The following CCHCR1 variants were observed in gnomAD, a reference collection of about 807,000 sequenced individuals.
CCHCR1 encodes the protein HCR (a-helix coiled-coil rod homologue).
A neutral mutation model predicts 114.6 loss-of-function variants in CCHCR1; 91 were observed. The observed-to-expected ratio is 0.79, with a 90% CI of 0.67 to 0.94. The LOEUF is 0.94. CCHCR1 is among the 40% of genes least tolerant of loss of function. The pLI is 0.00. For missense variants in CCHCR1, 899 were observed against 1,079.9 expected (o/e 0.83, Z 2.35); for synonymous variants, 379 against 428.5 (o/e 0.88, Z 1.43).
chr6:31,149,787 G>A, intron 8 of CCHCR1: 3 of 401,754 alleles, frequency 7.5e-6, no homozygotes, highest in South Asian at 7.5e-5. Flanking sequence ...TGAATCACCT[G>A]AGGTCAGGAG....
In CCHCR1 at chr6:31,150,346, C is replaced by T. The variant is rs1775029903; in HGVS notation, c.1212+109G>A. The T allele has an allele frequency of 1.5e-6, 2 of 1,343,600 alleles. No homozygotes were observed. The highest frequency in any genetic ancestry group is 2.9e-5 in the African/African-American group (2 of 69,594). The allele number at this position is 1,343,600 out of a possible 1,614,324, so 83.2% of individuals were successfully genotyped here. On this transcript the variant is annotated intron_variant, in intron 7 of 17. Coordinates refer to ENST00000396268, the MANE Select transcript of CCHCR1 (RefSeq NM_001105564.2). The surrounding 1 kb of genome is among the most constrained non-coding windows in gnomAD (Gnocchi z 5.3). ...CAAGAGGAGTTCACAGGAAGGAGATCTAAGCAGGTTCTGGGGCACATTGAC... is the reference window on the plus strand; with the variant it reads ...CAAGAGGAGTTCACAGGAAGGAGATTTAAGCAGGTTCTGGGGCACATTGAC...
Position 31,154,152 on chromosome 6 carries a change from T to C in CCHCR1, c.801+344A>G, listed in dbSNP as rs187861811. ...ATAATCTCTCTCTCCCAGTCCACCA[T>C]AGCCCCCTTATACCCACCTTCCTCA... On this transcript the variant is annotated intron_variant, in intron 4 of 17. Coordinates refer to ENST00000396268, the MANE Select transcript of CCHCR1 (RefSeq NM_001105564.2). This position sits in a 1 kb window ranked among gnomAD's most constrained non-coding sequence, Gnocchi z 4.1. 1.0e-3 allele frequency among the ~76,000 whole-genome samples: 159 copies of C among 152,268 alleles called. 1 individual carries two copies. Among genetic ancestry groups the C allele is most frequent in the Admixed American group, 6.1e-3 (93 of 15,292 alleles).
chr6:31,145,007 T>C lies in CCHCR1; in HGVS notation c.1943A>G (p.Gln648Arg), dbSNP rs752582662. ...CAGCCCCAAGCTAGCCAGGGACTCC[T>C]GGGTCTGCTGCAGCTCCTGCTCCAG... is the stretch of plus-strand genomic sequence containing the variant. ...QQLEQELQQT[Q>R]ESLASLGLQL... The change falls in exon 14 of 18, where the codon CAG becomes CGG. Residue 648 changes from glutamine to arginine, a missense_variant. By Grantham distance (43) the Gln-to-Arg change is conservative (BLOSUM62 1). Coordinates refer to ENST00000396268, the MANE Select transcript of CCHCR1 (RefSeq NM_001105564.2). The C allele has an allele frequency of 1.2e-6, 2 of 1,606,480 alleles. No individual in the cohort carries two copies. The highest frequency in any genetic ancestry group is 8.5e-7 in the Non-Finnish European group (1 of 1,179,742).
intron 10 of CCHCR1, among the ~76,000 whole-genome samples, chr6:31,147,257 G>A (rs982477144): frequency 3.3e-5 from 5 of 152,056 alleles, no homozygotes; most frequent in Admixed American, 6.6e-5. Context: ...AAAAGTAGCC[G>A]GGTGTGGTGG....
At position 31,150,637 on chromosome 6, in the gene CCHCR1, G is replaced by A; in HGVS notation, c.1102-72C>T. Reference sequence around the variant, plus strand: ...TTAGGTACCACCTTCTCTCCCGGAGGCTGTGCTCTACACGCTCCTCCAAGG... The same window carrying A: ...TTAGGTACCACCTTCTCTCCCGGAGACTGTGCTCTACACGCTCCTCCAAGG... On this transcript the variant is annotated intron_variant, in intron 6 of 17. Transcript: ENST00000396268. The surrounding 1 kb of genome is among the most constrained non-coding windows in gnomAD (Gnocchi z 5.3). 6.3e-7 allele frequency: 1 copy of A among 1,588,800 alleles called. No individual in the cohort carries two copies. The highest frequency in any genetic ancestry group is 8.6e-7 in the Non-Finnish European group (1 of 1,163,382).
chr6:31,145,763 A>C lies in CCHCR1; in HGVS notation c.1626T>G (p.Ala542=). 6.2e-7 allele frequency: 1 copy of C among 1,613,092 alleles called. No individual in the cohort carries two copies. The highest frequency in any genetic ancestry group is 8.5e-7 in the Non-Finnish European group (1 of 1,179,932). Residue 542 remains alanine (A), a synonymous_variant, in exon 11 of 18, where the codon GCT becomes GCG. Coordinates refer to ENST00000396268, the MANE Select transcript of CCHCR1 (RefSeq NM_001105564.2). ...TGTTGAGGCTGGGAAGCTGGGCGGC[A>C]GCCCCTTCCACCTTAGCCATGGTGG... is the stretch of plus-strand genomic sequence containing the variant. ...LETTMAKVEG[A]AAQLPSLNNR...
At position 31,145,156 on chromosome 6, in the gene CCHCR1, C is replaced by A. The variant is rs1343579671; in HGVS notation, c.1876+10G>T. Reference sequence around the variant, plus strand: ...CCTCATCCTCTCCACCCCCTGGCAACCAGGTGTACCTTGCTCCCGAGCCCG... The same window carrying A: ...CCTCATCCTCTCCACCCCCTGGCAAACAGGTGTACCTTGCTCCCGAGCCCG... On this transcript the variant is annotated intron_variant, in intron 13 of 17. Transcript: ENST00000396268. 18 of 1,611,674 alleles carry A rather than the reference C, an allele frequency of 1.1e-5. No homozygotes were observed. In the East Asian group the frequency reaches 4.0e-4, roughly 36 times the overall value.
In CCHCR1 at chr6:31,150,743, C is replaced by G. The variant is rs957075550; in HGVS notation, c.1083G>C (p.Lys361Asn). 47 of 1,612,688 alleles carry G rather than the reference C, an allele frequency of 2.9e-5. No individual in the cohort carries two copies. The highest frequency in any genetic ancestry group is 3.9e-5 in the Non-Finnish European group (46 of 1,179,872). The change falls in exon 6 of 18, where the codon AAG becomes AAC. Residue 361 changes from lysine (K) to asparagine (N), a missense_variant. Lys to Asn is a moderately conservative substitution (Grantham distance 94, BLOSUM62 0). Coordinates refer to ENST00000396268, the MANE Select transcript of CCHCR1 (RefSeq NM_001105564.2). This position sits in a 1 kb window ranked among gnomAD's most constrained non-coding sequence, Gnocchi z 5.3. The stretch of plus-strand genomic sequence containing the variant: ...CCCTCACCTGCATGGTTTCCAGAAG[C>G]TTCTGTCGCTCCAGTTCCCATGTCT... Reference protein sequence around the residue: ...HSQTWELERQKLLETMQHLQE... With the variant: ...HSQTWELERQNLLETMQHLQE...
chr6:31,148,097 A>G (rs9263758), intron 10 of CCHCR1, among the ~76,000 whole-genome samples: 108,648 of 152,114 alleles, frequency 0.71, 38,750 homozygotes, highest in Middle Eastern at 0.78. Context: ...TACTGCAAGT[A>G]AAGATCCTCC....
In CCHCR1 at chr6:31,144,286, C is replaced by T. The variant is rs1176000532; in HGVS notation, c.2167+401G>A. Among the ~76,000 whole-genome samples the T allele has an allele frequency of 6.6e-6, 1 of 152,082 alleles. No homozygotes were observed. The highest frequency in any genetic ancestry group is 2.4e-5 in the African/African-American group (1 of 41,422). ...TTGGCTCACTGCAGCCTCGACCTCC[C>T]GGGTTCATGTAGTCTTCCCACATCA... On this transcript the variant is annotated intron_variant, in intron 15 of 17. Transcript: ENST00000396268. The surrounding 1 kb of genome is among the most constrained non-coding windows in gnomAD (Gnocchi z 4.6).
Position 31,150,316 on chromosome 6 carries a change from T to C in CCHCR1, c.1213-101A>G. The C allele has an allele frequency of 5.6e-6, 8 of 1,422,136 alleles. No homozygotes were observed. Among genetic ancestry groups the C allele is most frequent in the Non-Finnish European group, 7.8e-6 (8 of 1,022,660 alleles). 88.1% of individuals were successfully genotyped at this position (1,422,136 alleles called of 1,614,324 possible). ...TCTGTCCTGCCTGGGCAACATGAGC[T>C]ACAGCAAGAGGAGTTCACAGGAAGG... On this transcript the variant is annotated intron_variant, in intron 7 of 17. Transcript: ENST00000396268. The surrounding 1 kb of genome is among the most constrained non-coding windows in gnomAD (Gnocchi z 5.3).
In CCHCR1 at chr6:31,151,493, G is replaced by T. The variant is rs1004970560; in HGVS notation, c.802-371C>A. The stretch of plus-strand genomic sequence containing the variant: ...CTGCAGGCCAGGGGACCCGGCCTCT[G>T]CCTACCTCCTGAGCTCACCCTGGAG... On this transcript the variant is annotated intron_variant, in intron 4 of 17. Transcript: ENST00000396268. This position sits in a 1 kb window ranked among gnomAD's most constrained non-coding sequence, Gnocchi z 4.1. 2.6e-5 allele frequency among the ~76,000 whole-genome samples: 4 copies of T among 152,154 alleles called. No homozygotes were observed. The highest frequency in any genetic ancestry group is 9.7e-5 in the African/African-American group (4 of 41,438).
At position 31,154,398 on chromosome 6, in the gene CCHCR1, A is replaced by G; in HGVS notation, c.801+98T>C. The G allele has an allele frequency of 1.1e-6, 1 of 875,754 alleles. No homozygotes were observed. The highest frequency in any genetic ancestry group is 1.8e-6 in the Non-Finnish European group (1 of 542,182). The allele number at this position is 875,754 out of a possible 1,614,324, so 54.2% of individuals were successfully genotyped here. Reference sequence around the variant, plus strand: ...AGGTCTCATCACTCTACTACTCACTACTCATGGAGGGTCTTTTCTGCAATA... The same window carrying G: ...AGGTCTCATCACTCTACTACTCACTGCTCATGGAGGGTCTTTTCTGCAATA... On this transcript the variant is annotated intron_variant, in intron 4 of 17. Transcript: ENST00000396268. This position sits in a 1 kb window ranked among gnomAD's most constrained non-coding sequence, Gnocchi z 4.1.
Position 31,145,796 on chromosome 6 carries a change from C to G in CCHCR1, c.1593G>C (p.Trp531Cys), listed in dbSNP as rs2151004747. ...CCACCTTAGCCATGGTGGTCTCGAG[C>G]CAGATCTGAGAGCTGGAGAGGGCAC... ...VVNAVSSSQI[W>C]LETTMAKVEG... Residue 531 changes from tryptophan to cysteine, a missense_variant, in exon 11 of 18, where the codon TGG (tryptophan) becomes TGC (cysteine). Trp to Cys is a radical substitution (Grantham distance 215, BLOSUM62 -2). Coordinates refer to ENST00000396268, the MANE Select transcript of CCHCR1 (RefSeq NM_001105564.2). 2 of 1,611,704 alleles carry G rather than the reference C, an allele frequency of 1.2e-6. No homozygotes were observed. The highest frequency in any genetic ancestry group is 4.5e-5 in the East Asian group (2 of 44,872).
At position 31,144,555 on chromosome 6, in the gene CCHCR1, C is replaced by T; in HGVS notation, c.2167+132G>A. 1.5e-6 allele frequency: 1 copy of T among 664,062 alleles called. No individual in the cohort carries two copies. The highest frequency in any genetic ancestry group is 2.5e-5 in the East Asian group (1 of 39,522). The allele number at this position is 664,062 out of a possible 1,614,324, so 41.1% of individuals were successfully genotyped here. A position where few individuals can be genotyped will look rare whatever the true frequency, so the allele number is the denominator to read the frequency against. On this transcript the variant is annotated intron_variant, in intron 15 of 17. Coordinates refer to ENST00000396268, the MANE Select transcript of CCHCR1 (RefSeq NM_001105564.2). The surrounding 1 kb of genome is among the most constrained non-coding windows in gnomAD (Gnocchi z 4.6). ...GTGTGTTCACGATGTGATAATTCAT[C>T]TGTGCTACTCCTGGATACCTTCATT...
chr6:31,154,893 C>T lies in CCHCR1; in HGVS notation c.498-94G>A. ...TAGCCAGGAGAAGGAAAAGAGGACCCCTCTGCTTCCGTGTGGGGAGGTGAA... is the reference window on the plus strand; with the variant it reads ...TAGCCAGGAGAAGGAAAAGAGGACCTCTCTGCTTCCGTGTGGGGAGGTGAA... On this transcript the variant is annotated intron_variant, in intron 3 of 17. Transcript: ENST00000396268. The surrounding 1 kb of genome is among the most constrained non-coding windows in gnomAD (Gnocchi z 4.1). 2 of 1,213,068 alleles carry T rather than the reference C, an allele frequency of 1.6e-6. No individual in the cohort carries two copies. The highest frequency in any genetic ancestry group is 2.2e-6 in the Non-Finnish European group (2 of 890,308). The allele number at this position is 1,213,068 out of a possible 1,614,324, so 75.1% of individuals were successfully genotyped here.
In CCHCR1 at chr6:31,151,608, C is replaced by A. The variant is rs1359587097; in HGVS notation, c.802-486G>T. 6.6e-6 allele frequency among the ~76,000 whole-genome samples: 1 copy of A among 152,228 alleles called. No individual in the cohort carries two copies. Among genetic ancestry groups the A allele is most frequent in the African/African-American group, 2.4e-5 (1 of 41,450 alleles). On this transcript the variant is annotated intron_variant, in intron 4 of 17. Coordinates refer to ENST00000396268, the MANE Select transcript of CCHCR1 (RefSeq NM_001105564.2). The surrounding 1 kb of genome is among the most constrained non-coding windows in gnomAD (Gnocchi z 4.1). Reference sequence around the variant, plus strand: ...TTGCTCCACAGACCCCAGGCGATAGCCCCTCCTCAGGGTGGCTTCACTGGG... The same window carrying A: ...TTGCTCCACAGACCCCAGGCGATAGACCCTCCTCAGGGTGGCTTCACTGGG...
chr6:31,145,750 G>A lies in CCHCR1; in HGVS notation c.1639C>T (p.Pro547Ser), dbSNP rs753949213. Residue 547 changes from proline to serine, a missense_variant, in exon 11 of 18, where the codon CCC becomes TCC. Physicochemically the swap from Pro to Ser is moderately conservative, Grantham distance 74. Transcript: ENST00000396268. ...AKVEGAAAQL[P>S]SLNNRLSYAV... ...TAGCTGAGTCGGTTGTTGAGGCTGG[G>A]AAGCTGGGCGGCAGCCCCTTCCACC... is the stretch of plus-strand genomic sequence containing the variant. 1 of 1,613,370 alleles carries A rather than the reference G, an allele frequency of 6.2e-7. No homozygotes were observed. The highest frequency in any genetic ancestry group is 1.1e-5 in the South Asian group (1 of 91,082).
At position 31,154,361 on chromosome 6, in the gene CCHCR1, T is replaced by C; in HGVS notation, c.801+135A>G. 2 of 705,080 alleles carry C rather than the reference T, an allele frequency of 2.8e-6. No individual in the cohort carries two copies. Among genetic ancestry groups the C allele is most frequent in the South Asian group, 1.9e-5 (1 of 51,742 alleles). The allele number at this position is 705,080 out of a possible 1,614,324, so 43.7% of individuals were successfully genotyped here. A position where few individuals can be genotyped will look rare whatever the true frequency, so the allele number is the denominator to read the frequency against. On this transcript the variant is annotated intron_variant, in intron 4 of 17. Coordinates refer to ENST00000396268, the MANE Select transcript of CCHCR1 (RefSeq NM_001105564.2). This position sits in a 1 kb window ranked among gnomAD's most constrained non-coding sequence, Gnocchi z 4.1. ...TCCATCTTTCTAGGCCATGTGTGTT[T>C]ATTTTCACCAAAGGTCTCATCACTC...
Sources: allele counts gnomAD v4.1 joint callset (sites outside exome capture counted in the v4.1 genomes callset), GRCh38; gene constraint gnomAD v4.1.1; non-coding constraint Gnocchi (gnomAD v3.1); transcripts MANE v1.5; gene names NCBI Gene and HGNC (gene_info 2026-07-23, HGNC 2026-07-21).